BACH2: variants seen among roughly 807,000 people sequenced by gnomAD.
BACH2 encodes the protein transcription regulator protein BACH2.
Under a neutral mutation model 61.8 loss-of-function variants are expected in BACH2, and 5 were observed. The observed-to-expected ratio is 0.08, with a 90% confidence interval of 0.04 to 0.17. BACH2 has a LOEUF of 0.17. BACH2 is among the 10% of genes least tolerant of loss of function. BACH2 has a pLI of 1.00. For synonymous variants in BACH2, 446 were observed against 440.1 expected (o/e 1.01, Z -0.17); for missense variants, 824 against 1,091.1 (o/e 0.76, Z 3.45).
At chr6:90,216,961 G>C (rs1769559136) in intron 3 of BACH2, among the ~76,000 whole-genome samples, 1 of 152,116 alleles carries the variant, frequency 6.6e-6, no homozygotes, top group South Asian at 2.1e-4. Flanking sequence ...GACGGGGAGG[G>C]AACATTCAAG....
chr6:90,241,392 G>A (rs1462716014), intron 3 of BACH2, among the ~76,000 whole-genome samples: 2 of 152,042 alleles, frequency 1.3e-5, no homozygotes, highest in South Asian at 2.1e-4. Context: ...ACTCAACAGG[G>A]GGCAGGCTGG....
chr6:89,986,783 T>C (rs1446463291), intron 6 of BACH2, among the ~76,000 whole-genome samples: 1 of 152,192 alleles, frequency 6.6e-6, no homozygotes, highest in East Asian at 1.9e-4. Context: ...TCAAGCTTCA[T>C]TAGGAACAAG....
At chr6:90,050,542 T>C (rs911122460) in intron 5 of BACH2, among the ~76,000 whole-genome samples, 1 of 152,210 alleles carries the variant, frequency 6.6e-6, no homozygotes, top group African/African-American at 2.4e-5. Flanking sequence ...TCTTCTAGTA[T>C]GCTGGACATT....
At chr6:90,267,212 C>T (rs979201990) in intron 2 of BACH2, among the ~76,000 whole-genome samples, 2 of 152,002 alleles carry the variant, frequency 1.3e-5, no homozygotes, top group African/African-American at 4.8e-5. Flanking sequence ...CTGAGTGTAC[C>T]ACAGACAGAA....
At chr6:89,983,827 C>G (rs905494210) in intron 6 of BACH2, among the ~76,000 whole-genome samples, 1 of 152,136 alleles carries the variant, frequency 6.6e-6, no homozygotes, top group Admixed American at 6.5e-5. Flanking sequence ...AAAACATATT[C>G]TAGCAGGAGT....
intron 4 of BACH2, among the ~76,000 whole-genome samples, chr6:90,166,001 A>G (rs1432532227): frequency 1.3e-5 from 2 of 152,164 alleles, no homozygotes; most frequent in Non-Finnish European, 2.9e-5. Context: ...AGGCATGGGC[A>G]AGGACTTCAT....
At chr6:89,972,663 C>T (rs534732136) in intron 6 of BACH2, among the ~76,000 whole-genome samples, 1 of 152,228 alleles carries the variant, frequency 6.6e-6, no homozygotes, top group East Asian at 1.9e-4. Context: ...TAAATGGACA[C>T]CTTTGATGTC....
intron 1 of BACH2, among the ~76,000 whole-genome samples, chr6:90,283,152 C>T (rs1403741284): frequency 6.6e-6 from 1 of 152,072 alleles, no homozygotes; most frequent in Non-Finnish European, 1.5e-5. Context: ...GGGTTTCTTC[C>T]TTTGTGAAAT....
chr6:90,086,255 T>A (rs958097106), intron 5 of BACH2, among the ~76,000 whole-genome samples: 1 of 152,180 alleles, frequency 6.6e-6, no homozygotes, highest in African/African-American at 2.4e-5. Flanking sequence ...CTGGGTTGCA[T>A]CCACCTCTGG....
intron 5 of BACH2, among the ~76,000 whole-genome samples, chr6:90,033,166 A>G (rs1007465762): frequency 6.6e-6 from 1 of 151,896 alleles, no homozygotes; most frequent in Non-Finnish European, 1.5e-5. Context: ...ATGAGAACAT[A>G]TGGACACAGG....
intron 1 of BACH2, among the ~76,000 whole-genome samples, chr6:90,295,900 C>T (rs1289329038): frequency 1.3e-5 from 2 of 152,176 alleles, no homozygotes; most frequent in Non-Finnish European, 2.9e-5. Flanking sequence ...TCGCGGTGGT[C>T]CGGGCCACCC....
chr6:90,031,707 A>T (rs1029016109), intron 5 of BACH2, among the ~76,000 whole-genome samples: 11 of 152,224 alleles, frequency 7.2e-5, no homozygotes, highest in African/African-American at 2.4e-4. Flanking sequence ...ATAAAAGAGG[A>T]TATAAACAAA....
chr6:89,932,886 C>T lies in BACH2; in HGVS notation c.2048G>A (p.Cys683Tyr), dbSNP rs751368401. The change falls in exon 9 of 9, where the codon TGT becomes TAT. Residue 683 changes from cysteine to tyrosine, a missense_variant. By Grantham distance (194) the Cys-to-Tyr change is radical. Coordinates refer to ENST00000257749, the MANE Select transcript of BACH2 (RefSeq NM_021813.4). ...CTCTGACAACAGTTTCTCTTTCTCA[C>T]ACACCTGGACAGTAGAGAAAAAAAG... ...NLECEIRKLVCEKEKLLSERN... is the reference protein window; with the variant it reads ...NLECEIRKLVYEKEKLLSERN... 1 of 1,578,590 alleles carries T rather than the reference C, an allele frequency of 6.3e-7. No individual in the cohort carries two copies. The highest frequency in any genetic ancestry group is 1.3e-5 in the African/African-American group (1 of 74,190).
At chr6:90,167,336 C>G (rs936202848) in intron 4 of BACH2, among the ~76,000 whole-genome samples, 7 of 152,072 alleles carry the variant, frequency 4.6e-5, no homozygotes, top group African/African-American at 1.7e-4. Context: ...TTGGATGTTG[C>G]TATCAGCTAC....
At chr6:90,250,490 GTTCA>G (rs369196000) in intron 3 of BACH2, among the ~76,000 whole-genome samples, 34 of 152,128 alleles carry the variant, frequency 2.2e-4, no homozygotes, top group East Asian at 1.9e-3. Context: ...AAGCCTCACT[GTTCA>G]TTCATTCATT....
At chr6:90,044,216 C>T (rs935233483) in intron 5 of BACH2, among the ~76,000 whole-genome samples, 3 of 152,068 alleles carry the variant, frequency 2.0e-5, no homozygotes, top group Admixed American at 1.3e-4. Context: ...AGGATGTGGG[C>T]GGTGAGGTCC....
intron 6 of BACH2, among the ~76,000 whole-genome samples, chr6:89,986,952 T>G (rs1471117215): frequency 6.6e-6 from 1 of 152,174 alleles, no homozygotes; most frequent in African/African-American, 2.4e-5. Context: ...AATTGAGCAA[T>G]GAGTAGCTGC....
chr6:89,987,703 C>T (rs186902016), intron 6 of BACH2, among the ~76,000 whole-genome samples: 8 of 151,974 alleles, frequency 5.3e-5, no homozygotes, highest in African/African-American at 1.7e-4. Flanking sequence ...TGGTGAGCTC[C>T]CCATTGTTGC....
At chr6:90,056,316 G>A (rs1255105311) in intron 5 of BACH2, among the ~76,000 whole-genome samples, 1 of 152,146 alleles carries the variant, frequency 6.6e-6, no homozygotes, top group Non-Finnish European at 1.5e-5. Flanking sequence ...GGCAGGGGTT[G>A]CAATCCTAGT....
Sources: allele counts gnomAD v4.1 joint callset (sites outside exome capture counted in the v4.1 genomes callset), GRCh38; gene constraint gnomAD v4.1.1; transcripts MANE v1.5; gene names NCBI Gene and HGNC (gene_info 2026-07-23, HGNC 2026-07-21).